DPYSL5: variants seen among roughly 807,000 people sequenced by gnomAD.
DPYSL5 encodes the protein dihydropyrimidinase-related protein 5.
Under a neutral mutation model 58.4 loss-of-function variants are expected in DPYSL5, and 9 were observed. The ratio of observed to expected loss-of-function variants is 0.15; its 90% confidence interval spans 0.09 to 0.27. The LOEUF (loss-of-function observed/expected upper bound fraction) is 0.27, where lower values mean the gene tolerates loss of function less well. DPYSL5 is among the 10% of genes least tolerant of loss of function. The pLI is 1.00. For missense variants in DPYSL5, 499 were observed against 770.6 expected (o/e 0.65, Z 4.17); for synonymous variants, 293 against 301.9 (o/e 0.97, Z 0.31).
chr2:26,872,821 A>G (rs1446117349), intron 1 of DPYSL5, among the ~76,000 whole-genome samples: 1 of 152,258 alleles, frequency 6.6e-6, no homozygotes, highest in Non-Finnish European at 1.5e-5. Context: ...AAATAAAAAA[A>G]CAAAAAACGG....
Position 26,944,672 on chromosome 2 carries a change from G to A in DPYSL5, c.1457G>A (p.Gly486Glu). The A allele has an allele frequency of 6.2e-7, 1 of 1,613,954 alleles. No individual in the cohort carries two copies. Among genetic ancestry groups the A allele is most frequent in the East Asian group, 2.2e-5 (1 of 44,872 alleles). ...CTTCCCTAGACTTTAAAGGTTAGAG[G>A]AGTGGACCGCACTCCCTACCTGGGG... ...VQREKTLKVR[G>E]VDRTPYLGDV... is the part of the protein sequence containing the mutation. Residue 486 changes from glycine (G) to glutamate (E), a missense_variant, in exon 12 of 13, where the codon GGA becomes GAA. This residue lies in a region of DPYSL5 where 62 missense variants were observed against 59.2 expected (regional missense o/e 1.05). Transcript: ENST00000288699. The surrounding 1 kb of genome is among the most constrained non-coding windows in gnomAD (Gnocchi z 4.4).
intron 2 of DPYSL5, among the ~76,000 whole-genome samples, chr2:26,903,899 C>T (rs1173951755): frequency 1.3e-5 from 2 of 152,202 alleles, no homozygotes; most frequent in Non-Finnish European, 2.9e-5. Flanking sequence ...AGCAGAGATG[C>T]CATCAAACAG....
At position 26,949,457 on chromosome 2, in the gene DPYSL5, A is replaced by C. The variant is rs1332156688; in HGVS notation, c.*2462A>C. ...CTGGGAAAGCCACCAGGGATGGGGGAAACCATGACGCCGCCTCCTGGTGCA... is the reference window on the plus strand; with the variant it reads ...CTGGGAAAGCCACCAGGGATGGGGGCAACCATGACGCCGCCTCCTGGTGCA... On this transcript the variant is annotated 3_prime_UTR_variant, in exon 13 of 13. Coordinates refer to ENST00000288699, the MANE Select transcript of DPYSL5 (RefSeq NM_020134.4). The C allele has an allele frequency of 1.3e-5, 2 of 152,352 alleles. No individual in the cohort carries two copies. Among genetic ancestry groups the C allele is most frequent in the African/African-American group, 2.4e-5 (1 of 41,432 alleles). The allele number at this position is 152,352 out of a possible 1,614,324, so 9.4% of individuals were successfully genotyped here.
intron 2 of DPYSL5, among the ~76,000 whole-genome samples, chr2:26,918,135 C>CAAAAAAA (rs71401540): frequency 1.9e-5 from 1 of 54,052 alleles, no homozygotes; most frequent in African/African-American, 7.8e-5. Flanking sequence ...GAGTCTGTCT[C>CAAAAAAA]AAAAAAAAAA....
rs1665595227 is a variant in DPYSL5, at chr2:26,949,995, A to G, written c.*3000A>G. The G allele has an allele frequency of 6.6e-6, 1 of 152,648 alleles. No homozygotes were observed. The highest frequency in any genetic ancestry group is 2.4e-5 in the African/African-American group (1 of 41,432). 9.5% of individuals were successfully genotyped at this position (152,648 alleles called of 1,614,324 possible). A position where few individuals can be genotyped will look rare whatever the true frequency, so the allele number is the denominator to read the frequency against. Reference sequence around the variant, plus strand: ...GGTTAAGTTGCCAGAAAATTGTGCTACTGTGTGTGCGTGTGCGTGCGTGTG... The same window carrying G: ...GGTTAAGTTGCCAGAAAATTGTGCTGCTGTGTGTGCGTGTGCGTGCGTGTG... On this transcript the variant is annotated 3_prime_UTR_variant, in exon 13 of 13. Transcript: ENST00000288699.
chr2:26,888,208 C>CTTTT (rs1553316444), intron 1 of DPYSL5, among the ~76,000 whole-genome samples: 234 of 117,728 alleles, frequency 2.0e-3, no homozygotes, highest in African/African-American at 8.1e-3. Flanking sequence ...CCTTCCCTTT[C>CTTTT]TTTTCTTTCT....
chr2:26,930,928 T>C (rs1226533543), intron 5 of DPYSL5, among the ~76,000 whole-genome samples: 4 of 149,164 alleles, frequency 2.7e-5, no homozygotes, highest in Non-Finnish European at 5.9e-5. Flanking sequence ...GAGCCAAGAT[T>C]GCGCCACTGC....
At chr2:26,910,117 A>G (rs1469996278) in intron 2 of DPYSL5, among the ~76,000 whole-genome samples, 1 of 152,182 alleles carries the variant, frequency 6.6e-6, no homozygotes, top group Non-Finnish European at 1.5e-5. Context: ...TGCGATATGC[A>G]TTCCTTTTTT....
At chr2:26,886,084 C>T (rs4283370) in intron 1 of DPYSL5, among the ~76,000 whole-genome samples, 1,721 of 152,280 alleles carry the variant, frequency 0.011, 41 homozygotes, top group African/African-American at 0.039. Flanking sequence ...AAAATGCTCC[C>T]GCTCCCTCAT....
At chr2:26,888,271 T>TTCTG in intron 1 of DPYSL5, among the ~76,000 whole-genome samples, 5 of 147,420 alleles carry the variant, frequency 3.4e-5, no homozygotes, top group Admixed American at 1.4e-4. Context: ...CTTTCTGTCT[T>TTCTG]TCTTTCTGTC....
intron 2 of DPYSL5, among the ~76,000 whole-genome samples, chr2:26,907,100 T>TTTTATTTATTTA (rs35579476): frequency 3.3e-5 from 5 of 149,700 alleles, no homozygotes; most frequent in Admixed American, 2.7e-4. Flanking sequence ...ACATTTACAT[T>TTTTATTTATTTA]TTTATTTATT....
At chr2:26,887,133 G>T (rs1292801290) in intron 1 of DPYSL5, among the ~76,000 whole-genome samples, 1 of 152,212 alleles carries the variant, frequency 6.6e-6, no homozygotes, top group Non-Finnish European at 1.5e-5. Flanking sequence ...TAACAGTCTT[G>T]TGTGTTTTTG....
Position 26,944,522 on chromosome 2 carries a change from C to G in DPYSL5, c.1441-134C>G. 2 of 975,490 alleles carry G rather than the reference C, an allele frequency of 2.1e-6. No homozygotes were observed. The highest frequency in any genetic ancestry group is 3.0e-6 in the Non-Finnish European group (2 of 657,138). 60.4% of individuals were successfully genotyped at this position (975,490 alleles called of 1,614,324 possible). On this transcript the variant is annotated intron_variant, in intron 11 of 12. Transcript: ENST00000288699. The surrounding 1 kb of genome is among the most constrained non-coding windows in gnomAD (Gnocchi z 4.4). ...GACTCAATGTTTAAGAAGCCTTGGTCACTTGCAGTGATTTGGGTCTTGGGC... is the reference window on the plus strand; with the variant it reads ...GACTCAATGTTTAAGAAGCCTTGGTGACTTGCAGTGATTTGGGTCTTGGGC...
rs559130883 is a variant in DPYSL5, at chr2:26,860,031, T to C, written c.-5+11777T>C. On this transcript the variant is annotated intron_variant, in intron 1 of 12. Coordinates refer to ENST00000288699, the MANE Select transcript of DPYSL5 (RefSeq NM_020134.4). ...GTTACTTCCTAGGCACGAGAGATCTTGGGTAAAGTCATTTTATCTCCTCAA... is the reference window on the plus strand; with the variant it reads ...GTTACTTCCTAGGCACGAGAGATCTCGGGTAAAGTCATTTTATCTCCTCAA... Among the ~76,000 whole-genome samples the C allele has an allele frequency of 7.2e-5, 11 of 152,224 alleles. No homozygotes were observed. In the South Asian group the frequency reaches 2.1e-3, roughly 29 times the overall value.
intron 1 of DPYSL5, among the ~76,000 whole-genome samples, chr2:26,872,031 T>G (rs928356597): frequency 6.6e-6 from 1 of 152,234 alleles, no homozygotes; most frequent in Non-Finnish European, 1.5e-5. Context: ...GATATTTTCC[T>G]TGATGTAATC....
chr2:26,895,263 G>T (rs1663982632), intron 1 of DPYSL5, among the ~76,000 whole-genome samples: 1 of 152,160 alleles, frequency 6.6e-6, no homozygotes, highest in Non-Finnish European at 1.5e-5. Context: ...ATATGCAAAA[G>T]ATTTGTGCTG....
chr2:26,874,014 T>C (rs147778159), intron 1 of DPYSL5, among the ~76,000 whole-genome samples: 145 of 152,344 alleles, frequency 9.5e-4, no homozygotes, highest in African/African-American at 3.2e-3. Flanking sequence ...TAACCAATTA[T>C]GTTGAGCATT....
At chr2:26,918,316 A>G (rs114919377) in intron 2 of DPYSL5, among the ~76,000 whole-genome samples, 1,760 of 152,100 alleles carry the variant, frequency 0.012, 31 homozygotes, top group African/African-American at 0.04. Context: ...TACATGCATC[A>G]CCTCACTTGA....
chr2:26,946,057 G>A (rs550942524), intron 12 of DPYSL5, among the ~76,000 whole-genome samples: 19 of 152,304 alleles, frequency 1.2e-4, no homozygotes, highest in African/African-American at 4.3e-4. Flanking sequence ...CACCAGTGAC[G>A]GGCCATGAGT....
Sources: allele counts gnomAD v4.1 joint callset (sites outside exome capture counted in the v4.1 genomes callset), GRCh38; gene constraint gnomAD v4.1.1; regional missense constraint gnomAD v4.1.1; non-coding constraint Gnocchi (gnomAD v3.1); transcripts MANE v1.5; gene names NCBI Gene and HGNC (gene_info 2026-07-23, HGNC 2026-07-21).